Variants in PALM2AKAP2 observed in about 807,000 individuals in gnomAD.
The protein encoded by PALM2AKAP2 is PALM2 and AKAP2 fusion, also known as PALM2-AKAP2 fusion protein.
PALM2AKAP2 carries 37 observed loss-of-function variants against 71.5 expected under a neutral mutation model. That is an observed-to-expected ratio of 0.52 (90% CI 0.40 to 0.68). The LOEUF is 0.68. Ranked by LOEUF, PALM2AKAP2 falls within the 30% of genes least tolerant of loss-of-function variation. The pLI is 0.00. For missense variants in PALM2AKAP2, 1,224 were observed against 1,191.8 expected, an observed-to-expected ratio of 1.03 and a Z score of -0.40; for synonymous variants, 468 against 478.8, an observed-to-expected ratio of 0.98 and a Z score of 0.29.
chr9:110,135,289 A>G (rs2119092684), intron 1 of PALM2AKAP2, among the ~76,000 whole-genome samples: 1 of 127,980 alleles, frequency 7.8e-6, no homozygotes, highest in African/African-American at 3.0e-5. Flanking sequence ...CACAGAGCAA[A>G]ATCCCATCTC....
chr9:109,752,602 C>G (rs975410623), intron 1 of PALM2AKAP2, among the ~76,000 whole-genome samples: 2 of 152,108 alleles, frequency 1.3e-5, no homozygotes, highest in African/African-American at 4.8e-5. Context: ...GGGAGAAGCC[C>G]AAGGGGATGA....
chr9:109,867,397 C>A, intron 1 of PALM2AKAP2, 94 bp from the exon 2 acceptor site: 1 of 1,426,072 alleles, frequency 7.0e-7, no homozygotes, highest in Non-Finnish European at 9.7e-7. Flanking sequence ...AGTGTCTATA[C>A]AGATGTGTGC....
chr9:110,055,428 C>G (rs1406638339), intron 1 of PALM2AKAP2, among the ~76,000 whole-genome samples: 1 of 152,102 alleles, frequency 6.6e-6, no homozygotes, highest in Non-Finnish European at 1.5e-5. Context: ...TTCCTGACCT[C>G]AGGTGATCTG....
chr9:110,137,719 T>G, exon 2 of PALM2AKAP2: 1 of 1,614,176 alleles, frequency 6.2e-7, no homozygotes, highest in Non-Finnish European at 8.5e-7. Flanking sequence ...TATCCAATGA[T>G]TTCAGCATGG....
chr9:109,770,348 TA>T (rs538687902), intron 1 of PALM2AKAP2, among the ~76,000 whole-genome samples: 83 of 152,206 alleles, frequency 5.5e-4, no homozygotes, highest in African/African-American at 1.9e-3. Flanking sequence ...CCAGAAACTA[TA>T]CATAAAATGC....
chr9:110,080,764 C>T lies in PALM2AKAP2; in HGVS notation c.156+31909C>T, dbSNP rs183499218. The stretch of plus-strand genomic sequence containing the variant: ...TGCGATCTTGGCTCACCACAACCTC[C>T]GCCTCCCGGGTTCAAGCGATTCTCC... On this transcript the variant is annotated intron_variant, in intron 1 of 3. Transcript: ENST00000374525. Among the ~76,000 whole-genome samples the T allele has an allele frequency of 6.5e-3, 992 of 152,250 alleles. 14 individuals carry two copies. The highest frequency in any genetic ancestry group is 0.023 in the African/African-American group (958 of 41,536).
intron 6 of PALM2AKAP2, chr9:109,946,235 C>T (rs1831501548): frequency 6.6e-6 from 1 of 152,176 alleles, no homozygotes; most frequent in Non-Finnish European, 1.5e-5. Context: ...TTTCCTGCTG[C>T]CATTGGCATT....
chr9:109,659,173 A>G (rs1484510110), intron 1 of PALM2AKAP2, among the ~76,000 whole-genome samples: 2 of 152,206 alleles, frequency 1.3e-5, no homozygotes, highest in Non-Finnish European at 2.9e-5. Flanking sequence ...GGATTGCTTC[A>G]GAGAATAGGT....
intron 1 of PALM2AKAP2, among the ~76,000 whole-genome samples, chr9:109,838,941 A>G (rs980134987): frequency 6.6e-6 from 1 of 152,208 alleles, no homozygotes; most frequent in Admixed American, 6.5e-5. Context: ...TTCACAGCCA[A>G]ATTCTACCAG....
intron 2 of PALM2AKAP2, among the ~76,000 whole-genome samples, chr9:110,141,797 G>C (rs956436077): frequency 1.3e-5 from 2 of 152,176 alleles, no homozygotes; most frequent in Non-Finnish European, 2.9e-5. Flanking sequence ...AATCATGCTG[G>C]TGGCATGCTG....
intron 1 of PALM2AKAP2, among the ~76,000 whole-genome samples, chr9:109,752,466 G>T (rs1207667861): frequency 6.6e-6 from 1 of 152,126 alleles, no homozygotes; most frequent in Non-Finnish European, 1.5e-5. Flanking sequence ...GATAAATGAT[G>T]ACTTGACATG....
At chr9:109,705,553 A>C (rs1052514809) in intron 1 of PALM2AKAP2, among the ~76,000 whole-genome samples, 1 of 152,148 alleles carries the variant, frequency 6.6e-6, no homozygotes, top group Admixed American at 6.5e-5. Context: ...CTTCCAGAGG[A>C]TGTTGAATGG....
At chr9:109,885,664 C>T (rs1197584629) in intron 3 of PALM2AKAP2, among the ~76,000 whole-genome samples, 2 of 152,208 alleles carry the variant, frequency 1.3e-5, no homozygotes, top group Admixed American at 1.3e-4. Context: ...TGTTTCTGAG[C>T]CTTCCTACTT....
chr9:109,835,301 A>G (rs1828436118), intron 1 of PALM2AKAP2, among the ~76,000 whole-genome samples: 1 of 133,304 alleles, frequency 7.5e-6, no homozygotes, highest in African/African-American at 2.8e-5. Context: ...GGGTGGGGGA[A>G]AGAGGGGAGG....
intron 1 of PALM2AKAP2, among the ~76,000 whole-genome samples, chr9:109,850,316 T>C (rs1454683952): frequency 6.6e-6 from 1 of 152,164 alleles, no homozygotes; most frequent in Non-Finnish European, 1.5e-5. Flanking sequence ...TTTTGAAATT[T>C]AGTGTAGCAT....
chr9:110,100,051 C>CTATATATATATATATATATATA (rs71373968), intron 1 of PALM2AKAP2, among the ~76,000 whole-genome samples: 11 of 109,480 alleles, frequency 1.0e-4, no homozygotes, highest in Non-Finnish European at 1.7e-4. Context: ...GTATGTGTGT[C>CTATATATATATATATATATATA]TATATATATA....
intron 6 of PALM2AKAP2, among the ~76,000 whole-genome samples, chr9:109,968,275 C>A (rs900032447): frequency 6.6e-6 from 1 of 152,160 alleles, no homozygotes; most frequent in Non-Finnish European, 1.5e-5. Context: ...CCTCGCGTAC[C>A]CCATAGGCTG....
intron 1 of PALM2AKAP2, among the ~76,000 whole-genome samples, chr9:110,129,414 G>A (rs914357): frequency 0.48 from 73,454 of 152,010 alleles, 18,007 homozygotes; most frequent in African/African-American, 0.57. Context: ...CCATTTTGAT[G>A]TATCAGGATA....
At chr9:110,160,270 C>A (rs944680090) in intron 3 of PALM2AKAP2, among the ~76,000 whole-genome samples, 18 of 152,212 alleles carry the variant, frequency 1.2e-4, no homozygotes, top group Non-Finnish European at 2.1e-4. Flanking sequence ...GCAGTGCACA[C>A]AACACACACC....
Sources: gnomAD v4.1 joint callset for allele counts (sites outside exome capture counted in the v4.1 genomes callset) on GRCh38, gnomAD v4.1.1 for gene constraint, MANE v1.5 for transcripts, NCBI Gene and HGNC (gene_info 2026-07-23, HGNC 2026-07-21) for gene names.